Variants in XPO5 observed in about 807,000 individuals in gnomAD.
XPO5 encodes the protein exportin-5.
A neutral mutation model predicts 160.6 loss-of-function variants in XPO5; 46 were observed. That is an observed-to-expected ratio of 0.29 (90% CI 0.23 to 0.37). The LOEUF is 0.37. Among genes scored for constraint, XPO5 ranks in the 10% least tolerant of loss-of-function variants. The pLI, the probability that XPO5 is intolerant of heterozygous loss-of-function variation, is 1.00. For missense variants in XPO5, 1,090 were observed against 1,463.9 expected (o/e 0.74, Z 4.17); for synonymous variants, 537 against 519.3 (o/e 1.03, Z -0.46).
At chr6:43,542,245 A>G (rs1794733264) in intron 20 of XPO5, among the ~76,000 whole-genome samples, 1 of 152,146 alleles carries the variant, frequency 6.6e-6, no homozygotes. Flanking sequence ...TTGACTAGTA[A>G]TACTTCAAGT....
chr6:43,575,431 C>T (rs959706558), intron 1 of XPO5, among the ~76,000 whole-genome samples: 3 of 152,142 alleles, frequency 2.0e-5, no homozygotes, highest in Non-Finnish European at 2.9e-5. Flanking sequence ...GGATGTCGGG[C>T]TTGGGGAATG....
chr6:43,551,859 G>T (rs1003978350), intron 14 of XPO5, among the ~76,000 whole-genome samples: 2 of 151,922 alleles, frequency 1.3e-5, no homozygotes, highest in Non-Finnish European at 2.9e-5. Context: ...TAGAGATGAG[G>T]TCTCACTATA....
intron 8 of XPO5, among the ~76,000 whole-genome samples, chr6:43,563,133 C>T (rs918442974): frequency 1.3e-5 from 2 of 150,998 alleles, no homozygotes; most frequent in Admixed American, 6.6e-5. Context: ...AATATTTTTT[C>T]TTTTTTTTTG....
chr6:43,574,527 C>G (rs2127759964), intron 1 of XPO5, among the ~76,000 whole-genome samples: 1 of 151,316 alleles, frequency 6.6e-6, no homozygotes, highest in East Asian at 2.0e-4. Flanking sequence ...GATAAACATT[C>G]CTTCCAGCGT....
chr6:43,566,639 T>C (rs760681968), intron 7 of XPO5: 1 of 427,558 alleles, frequency 2.3e-6, no homozygotes, highest in Non-Finnish European at 4.8e-6. Context: ...CAAAACCTCA[T>C]CTCTACTAAA....
At chr6:43,548,031 C>A (rs1374539719) in intron 18 of XPO5, among the ~76,000 whole-genome samples, 1 of 152,156 alleles carries the variant, frequency 6.6e-6, no homozygotes, top group Non-Finnish European at 1.5e-5. Context: ...TCTAAATGTG[C>A]TGGTGCTGCA....
In XPO5 at chr6:43,576,010, C is replaced by CGCGCTGGGAAGAAGCCG; in HGVS notation, c.-163_-147dup. ...TGGAGGAGGAGCGTTAGCAGCAACT[C>CGCGCTGGGAAGAAGCCG]GCGCTGGGAAGAAGCCGGCGCTGCG... On this transcript the variant is annotated 5_prime_UTR_variant, in exon 1 of 32. Transcript: ENST00000265351. 1.5e-6 allele frequency: 1 copy of CGCGCTGGGAAGAAGCCG among 679,796 alleles called. No homozygotes were observed. Among genetic ancestry groups the CGCGCTGGGAAGAAGCCG allele is most frequent in the Non-Finnish European group, 2.4e-6 (1 of 419,050 alleles). The allele number at this position is 679,796 out of a possible 1,614,324, so 42.1% of individuals were successfully genotyped here.
At chr6:43,533,846 AAAAG>A (rs1248167365) in intron 21 of XPO5, 57 bp downstream of exon 21, 2 of 1,311,652 alleles carry the variant, frequency 1.5e-6, no homozygotes, top group East Asian at 2.8e-5. Flanking sequence ...AAACAACAAA[AAAAG>A]GGGACATCCA....
rs1426858655 is a variant in XPO5, at chr6:43,524,642, T to G, written c.3313-7A>C. ...TCTCCAGGTACCTGGGGCGCTGATA[T>G]CAGCAGGGATAAACTTACTGGATGT... On this transcript the variant is annotated splice_region_variant and splice_polypyrimidine_tract_variant and intron_variant, in intron 30 of 31. Transcript: ENST00000265351. The G allele has an allele frequency of 6.2e-7, 1 of 1,613,150 alleles. No homozygotes were observed. The highest frequency in any genetic ancestry group is 8.5e-7 in the Non-Finnish European group (1 of 1,179,444).
intron 3 of XPO5, 118 bp from the exon 4 acceptor site, chr6:43,571,112 G>T (rs1276899806): frequency 9.9e-7 from 1 of 1,006,558 alleles, no homozygotes. Context: ...AAACCAAACA[G>T]AACAAATGAA....
At chr6:43,556,020 GTACT>G (rs1762062932) in intron 12 of XPO5, 56 bp from the exon 13 acceptor site, 1 of 1,590,072 alleles carries the variant, frequency 6.3e-7, no homozygotes, top group Non-Finnish European at 8.6e-7. Context: ...TATAAAATAA[GTACT>G]TAATGTTTAT....
In XPO5 at chr6:43,522,831, G is replaced by A. The variant is rs1793281039; in HGVS notation, c.*1037C>T. On this transcript the variant is annotated 3_prime_UTR_variant, in exon 32 of 32. Coordinates refer to ENST00000265351, the MANE Select transcript of XPO5 (RefSeq NM_020750.3). ...AGTAATAACCTCAGGGCCAGGTCCC[G>A]TATCCATGTCCTCTCTTTACAGGGC... 2 of 315,968 alleles carry A rather than the reference G, an allele frequency of 6.3e-6. No individual in the cohort carries two copies. Among genetic ancestry groups the A allele is most frequent in the South Asian group, 4.8e-5 (2 of 41,466 alleles). The allele number at this position is 315,968 out of a possible 1,614,324, so 19.6% of individuals were successfully genotyped here. A position where few individuals can be genotyped will look rare whatever the true frequency, so the allele number is the denominator to read the frequency against.
chr6:43,558,563 G>T lies in XPO5; in HGVS notation c.1250C>A (p.Pro417His). 1 of 1,600,340 alleles carries T rather than the reference G, an allele frequency of 6.2e-7. No individual in the cohort carries two copies. Among genetic ancestry groups the T allele is most frequent in the Non-Finnish European group, 8.5e-7 (1 of 1,173,762 alleles). The change falls in exon 12 of 32, where the codon CCT becomes CAT. Residue 417 changes from proline (P) to histidine (H), a missense_variant. Pro to His is a moderately conservative substitution (Grantham distance 77). Coordinates refer to ENST00000265351, the MANE Select transcript of XPO5 (RefSeq NM_020750.3). The part of the protein sequence containing the change: ...KMGFPSKTDS[P>H]SCEYSRFDFD... ...ATCAAACCGAGAATATTCACAGCTA[G>T]GGCTGTCTGTTTTAGAAGGAAAGCC...
At chr6:43,566,716 A>G in intron 7 of XPO5, 1 of 301,500 alleles carries the variant, frequency 3.3e-6, no homozygotes, top group South Asian at 2.6e-5. Flanking sequence ...AAGCTGAGGC[A>G]GGAGAATCGC....
At chr6:43,545,183 C>CT (rs1211870475) in intron 20 of XPO5, among the ~76,000 whole-genome samples, 1 of 152,006 alleles carries the variant, frequency 6.6e-6, no homozygotes, top group Non-Finnish European at 1.5e-5. Context: ...AAAATATTGT[C>CT]TATTTCCACA....
chr6:43,542,541 C>G (rs1037627204), intron 20 of XPO5, among the ~76,000 whole-genome samples: 2 of 152,126 alleles, frequency 1.3e-5, no homozygotes, highest in Non-Finnish European at 2.9e-5. Flanking sequence ...TCCTGAGTAG[C>G]TGGGATTACA....
At chr6:43,526,615 G>T (rs1793609769) in intron 27 of XPO5, 70 bp downstream of exon 27, 3 of 1,569,120 alleles carry the variant, frequency 1.9e-6, no homozygotes, top group Admixed American at 1.8e-5. Context: ...CAAGGAAACT[G>T]ACCTGGTTCA....
chr6:43,565,570 A>C, intron 8 of XPO5, 90 bp downstream of exon 8: 1 of 415,764 alleles, frequency 2.4e-6, no homozygotes, highest in Non-Finnish European at 3.2e-6. Context: ...TCTCAAAATA[A>C]AAAAAAAAAA....
chr6:43,528,069 G>A, intron 25 of XPO5, 90 bp downstream of exon 25: 2 of 1,316,120 alleles, frequency 1.5e-6, no homozygotes, highest in Non-Finnish European at 2.1e-6. Flanking sequence ...CTTCTACCCT[G>A]GGACAGCAGA....
Sources: gnomAD v4.1 joint callset for allele counts (sites outside exome capture counted in the v4.1 genomes callset) on GRCh38, gnomAD v4.1.1 for gene constraint, MANE v1.5 for transcripts, NCBI Gene and HGNC (gene_info 2026-07-23, HGNC 2026-07-21) for gene names.